Variants in AR observed in about 807,000 individuals in gnomAD.
AR encodes the protein androgen receptor.
A neutral mutation model predicts 53.9 loss-of-function variants in AR; 8 were observed. The ratio of observed to expected loss-of-function variants is 0.15; its 90% CI spans 0.09 to 0.27. AR has a LOEUF of 0.27. Ranked by LOEUF, AR falls within the 10% of genes least tolerant of loss-of-function variation. AR has a pLI of 1.00. For missense variants in AR, 639 were observed against 742.5 expected (o/e 0.86, Z 1.62); for synonymous variants, 359 against 316.4 (o/e 1.13, Z -1.43).
chrX:67,560,510 G>A (rs908588600), intron 1 of AR, among the ~76,000 whole-genome samples: 5 of 111,324 alleles, frequency 4.5e-5, no homozygotes, highest in Admixed American at 1.9e-4. Flanking sequence ...CCTATTCTTC[G>A]TGCTTAATGC....
At chrX:67,552,727 A>G (rs1328921312) in intron 1 of AR, among the ~76,000 whole-genome samples, 1 of 112,000 alleles carries the variant, frequency 8.9e-6, no homozygotes, top group Non-Finnish European at 1.9e-5. Context: ...TTTTCATTAT[A>G]GCTATATTAG....
At chrX:67,672,753 C>T (rs1198678994) in intron 2 of AR, among the ~76,000 whole-genome samples, 2 of 111,481 alleles carry the variant, frequency 1.8e-5, no homozygotes, top group Non-Finnish European at 3.8e-5. Context: ...TGGTTCATCT[C>T]ATAGTCTTTC....
chrX:67,722,355 TC>T (rs1331119121), intron 6 of AR, among the ~76,000 whole-genome samples: 1 of 111,822 alleles, frequency 8.9e-6, no homozygotes, highest in Non-Finnish European at 1.9e-5. Context: ...GATTTCCTCT[TC>T]TGCCAACAGG....
intron 1 of AR, among the ~76,000 whole-genome samples, chrX:67,562,368 GTGTGTGTGTGTGTGTGTGTGTGTGTGTA>G (rs1921365437): frequency 9.2e-6 from 1 of 108,655 alleles, no homozygotes; most frequent in African/African-American, 3.4e-5. Context: ...GTGTGTGTGT[GTGTGTGTGTGTGTGTGTGTGTGTGTGTA>G]TGTGTGTGTG....
intron 2 of AR, among the ~76,000 whole-genome samples, chrX:67,670,927 T>A (rs2075861081): frequency 9.0e-6 from 1 of 111,651 alleles, no homozygotes; most frequent in African/African-American, 3.3e-5. Context: ...GCAAAGGACA[T>A]GAACTCATCC....
chrX:67,664,830 C>A (rs1212197603), intron 2 of AR, among the ~76,000 whole-genome samples: 1 of 112,550 alleles, frequency 8.9e-6, no homozygotes, highest in Non-Finnish European at 1.9e-5. Flanking sequence ...CACCCCTCCC[C>A]CAGCCTCGCT....
Position 67,724,168 on chromosome X carries a change from T to G in AR, c.*327T>G. ...ATATGGCCCAGTGTCAAGTTGTGCT[T>G]GTTTACAGCACTACTCTGTGCCAGC... is the stretch of plus-strand genomic sequence containing the variant. On this transcript the variant is annotated 3_prime_UTR_variant, in exon 8 of 8. Coordinates refer to ENST00000374690, the MANE Select transcript of AR (RefSeq NM_000044.6). 1 of 303,114 alleles carries G rather than the reference T, an allele frequency of 3.3e-6. No homozygotes were observed. Among genetic ancestry groups the G allele is most frequent in the Non-Finnish European group, 5.7e-6 (1 of 174,098 alleles). The allele number at this position is 303,114 out of a possible 1,213,427, so 25.0% of individuals were successfully genotyped here.
intron 3 of AR, among the ~76,000 whole-genome samples, chrX:67,698,607 T>C (rs771071393): frequency 8.9e-6 from 1 of 112,963 alleles, no homozygotes; most frequent in South Asian, 3.6e-4. Context: ...CTAGTCTAGC[T>C]TCACAAAGAA....
chrX:67,672,122 C>G (rs1700281059), intron 2 of AR, among the ~76,000 whole-genome samples: 1 of 111,433 alleles, frequency 9.0e-6, no homozygotes, highest in South Asian at 3.8e-4. Context: ...TCTCAACACC[C>G]CACCCCCACG....
Position 67,545,791 on chromosome X carries a change from G to C in AR, c.645G>C (p.Ser215=). The C allele has an allele frequency of 8.3e-7, 1 of 1,211,976 alleles. No homozygotes were observed. The highest frequency in any genetic ancestry group is 1.8e-5 in the South Asian group (1 of 56,976). Residue 215 remains serine (S), a synonymous_variant, in exon 1 of 8, where the codon TCG becomes TCC. Coordinates refer to ENST00000374690, the MANE Select transcript of AR (RefSeq NM_000044.6). Reference sequence around the variant, plus strand: ...GCAGCGGGAGAGCGAGGGAGGCCTCGGGGGCTCCCACTTCCTCCAAGGACA... The same window carrying C: ...GCAGCGGGAGAGCGAGGGAGGCCTCCGGGGCTCCCACTTCCTCCAAGGACA... ...GSSSGRAREA[S]GAPTSSKDNY... is the part of the protein sequence containing the mutation.
chrX:67,663,722 T>A (rs1927087564), intron 2 of AR, among the ~76,000 whole-genome samples: 1 of 112,422 alleles, frequency 8.9e-6, no homozygotes, highest in Non-Finnish European at 1.9e-5. Context: ...CAGAGTGTTT[T>A]CCAACTTGGT....
intron 7 of AR, 146 bp from the exon 8 acceptor site, chrX:67,723,540 C>CACACACAA: frequency 3.2e-6 from 2 of 621,750 alleles, no homozygotes; most frequent in South Asian, 2.4e-5. Flanking sequence ...CACACACACA[C>CACACACAA]GACCTCATGG....
intron 1 of AR, among the ~76,000 whole-genome samples, chrX:67,591,481 TC>T (rs1480324413): frequency 1.8e-5 from 2 of 111,725 alleles, no homozygotes; most frequent in African/African-American, 6.5e-5. Context: ...CAGGCTTGGT[TC>T]CCTTCTCCTA....
At chrX:67,686,991 G>T (rs773858575) in intron 3 of AR, among the ~76,000 whole-genome samples, 17 of 111,754 alleles carry the variant, frequency 1.5e-4, no homozygotes, top group Admixed American at 2.8e-4. Flanking sequence ...CTTCCAAAAA[G>T]ATGTGTCTTT....
intron 1 of AR, among the ~76,000 whole-genome samples, chrX:67,572,353 C>T (rs1024717443): frequency 1.8e-5 from 2 of 111,335 alleles, no homozygotes; most frequent in African/African-American, 3.3e-5. Context: ...TTTGCACATG[C>T]AACATAGAGT....
intron 3 of AR, among the ~76,000 whole-genome samples, chrX:67,702,574 G>A (rs1003133458): frequency 9.8e-5 from 11 of 111,880 alleles, no homozygotes; most frequent in Admixed American, 3.8e-4. Context: ...ATGATTGTTG[G>A]ACAAAGTCAT....
intron 2 of AR, among the ~76,000 whole-genome samples, chrX:67,680,326 T>A (rs988377280): frequency 3.6e-5 from 4 of 112,151 alleles, no homozygotes; most frequent in Non-Finnish European, 7.5e-5. Flanking sequence ...ATTACTCTTA[T>A]TTTTCACAAA....
intron 2 of AR, among the ~76,000 whole-genome samples, chrX:67,658,610 C>A (rs1926702634): frequency 3.6e-5 from 4 of 111,504 alleles, no homozygotes; most frequent in Admixed American, 2.9e-4. Context: ...CAAGTGCACA[C>A]CACCACGCCC....
rs1172408185 is a variant in AR, at chrX:67,730,378, AT to A, written c.*6538del. On this transcript the variant is annotated 3_prime_UTR_variant, in exon 8 of 8. Transcript: ENST00000374690. ...TTTGTTGCTCTAAATACAATTAAAA[AT>A]GGCAGAAACTTGTTTGTTGGACTAC... The A allele has an allele frequency of 2.3e-5, 4 of 173,009 alleles. No homozygotes were observed. Among genetic ancestry groups the A allele is most frequent in the Non-Finnish European group, 4.4e-5 (4 of 90,774 alleles). The allele number at this position is 173,009 out of a possible 1,213,427, so 14.3% of individuals were successfully genotyped here. A position where few individuals can be genotyped will look rare whatever the true frequency, so the allele number is the denominator to read the frequency against.
Sources: gnomAD v4.1 joint callset for allele counts (sites outside exome capture counted in the v4.1 genomes callset) on GRCh38, gnomAD v4.1.1 for gene constraint, MANE v1.5 for transcripts, NCBI Gene and HGNC (gene_info 2026-07-23, HGNC 2026-07-21) for gene names.